GALNT17: variants seen among roughly 807,000 people sequenced by gnomAD.
GALNT17 encodes the protein polypeptide N-acetylgalactosaminyltransferase 17, also known as UDP-GalNAc:polypeptide N-acetylgalactosaminyltransferase-like 3.
GALNT17 carries 29 observed loss-of-function variants against 63.7 expected under a neutral mutation model. The observed-to-expected ratio is 0.46, with a 90% CI of 0.34 to 0.62. The LOEUF (loss-of-function observed/expected upper bound fraction) is 0.62, where lower values mean the gene tolerates loss of function less well. Among genes scored for constraint, GALNT17 ranks in the 20% least tolerant of loss-of-function variants. The probability of loss-of-function intolerance (pLI) is 0.01; values close to 1 mark genes in which losing one functional copy is unlikely to be tolerated. For missense variants in GALNT17, 603 were observed against 799.6 expected, an observed-to-expected ratio of 0.75 and a Z score of 2.97; for synonymous variants, 305 against 318.3, an observed-to-expected ratio of 0.96 and a Z score of 0.45.
At chr7:71,348,475 A>C (rs1420447230) in intron 2 of GALNT17, among the ~76,000 whole-genome samples, 1 of 152,188 alleles carries the variant, frequency 6.6e-6, no homozygotes, top group Non-Finnish European at 1.5e-5. Flanking sequence ...TTTCTGGACA[A>C]GTTTCAATGT....
At chr7:71,646,074 A>C (rs1790670963) in intron 6 of GALNT17, among the ~76,000 whole-genome samples, 1 of 152,134 alleles carries the variant, frequency 6.6e-6, no homozygotes, top group East Asian at 1.9e-4. Flanking sequence ...CCATCAGTCC[A>C]TGACTAGACT....
At chr7:71,632,859 T>C (rs1790471661) in intron 6 of GALNT17, among the ~76,000 whole-genome samples, 1 of 151,852 alleles carries the variant, frequency 6.6e-6, no homozygotes, top group Admixed American at 6.6e-5. Context: ...ATCCCAGCAA[T>C]TTGGGAGGCT....
At chr7:71,215,611 C>T (rs760359454) in intron 1 of GALNT17, among the ~76,000 whole-genome samples, 1 of 152,142 alleles carries the variant, frequency 6.6e-6, no homozygotes, top group Non-Finnish European at 1.5e-5. Flanking sequence ...TCCCACCCCA[C>T]AGACACCCTT....
At chr7:71,471,137 A>G (rs1787621229) in intron 5 of GALNT17, among the ~76,000 whole-genome samples, 1 of 151,794 alleles carries the variant, frequency 6.6e-6, no homozygotes, top group African/African-American at 2.4e-5. Flanking sequence ...GAGTGCAGCA[A>G]TGTGATCTTG....
intron 6 of GALNT17, among the ~76,000 whole-genome samples, chr7:71,597,598 CAG>C (rs1300607298): frequency 6.6e-6 from 1 of 152,066 alleles, no homozygotes; most frequent in African/African-American, 2.4e-5. Flanking sequence ...AATGTGGTGT[CAG>C]AGAGGAAAGG....
At chr7:71,591,826 C>A (rs1789806704) in intron 6 of GALNT17, among the ~76,000 whole-genome samples, 1 of 152,032 alleles carries the variant, frequency 6.6e-6, no homozygotes, top group South Asian at 2.1e-4. Context: ...CCACGCCCAG[C>A]TAATTTTTGT....
At chr7:71,382,208 C>G (rs866701079) in intron 2 of GALNT17, among the ~76,000 whole-genome samples, 3 of 152,062 alleles carry the variant, frequency 2.0e-5, no homozygotes, top group African/African-American at 7.2e-5. Context: ...GGTGAAACCT[C>G]GTCTCTAATA....
chr7:71,224,153 C>T (rs950079543), intron 1 of GALNT17, among the ~76,000 whole-genome samples: 3 of 152,086 alleles, frequency 2.0e-5, no homozygotes, highest in Non-Finnish European at 4.4e-5. Context: ...CTCCTGGGTT[C>T]AAGTGATTCT....
intron 7 of GALNT17, 133 bp from the exon 8 acceptor site, chr7:71,669,839 G>A: frequency 8.9e-7 from 1 of 1,127,456 alleles, no homozygotes; most frequent in Non-Finnish European, 1.2e-6. Context: ...GGGATTACAG[G>A]CATGAGCCAC....
chr7:71,371,785 C>T (rs140861259), intron 2 of GALNT17, among the ~76,000 whole-genome samples: 203 of 152,260 alleles, frequency 1.3e-3, no homozygotes, highest in African/African-American at 4.8e-3. Flanking sequence ...GAGACGTGCA[C>T]TATTATACCC....
At chr7:71,160,582 CCA>C (rs1314995774) in intron 1 of GALNT17, among the ~76,000 whole-genome samples, 3 of 152,132 alleles carry the variant, frequency 2.0e-5, no homozygotes, top group African/African-American at 7.2e-5. Context: ...CCTCAGCCTC[CCA>C]AGTAGCTGGG....
intron 1 of GALNT17, among the ~76,000 whole-genome samples, chr7:71,194,529 A>G (rs1166426865): frequency 1.3e-5 from 2 of 152,124 alleles, no homozygotes; most frequent in Non-Finnish European, 2.9e-5. Context: ...ATAACTTTAT[A>G]TAGAGATTCA....
chr7:71,267,849 C>T (rs1160614663), intron 1 of GALNT17, among the ~76,000 whole-genome samples: 1 of 151,684 alleles, frequency 6.6e-6, no homozygotes, highest in East Asian at 2.0e-4. Flanking sequence ...TCTCCCTCCC[C>T]CCACCTGCCC....
At chr7:71,634,527 G>A (rs1458183650) in intron 6 of GALNT17, among the ~76,000 whole-genome samples, 1 of 152,148 alleles carries the variant, frequency 6.6e-6, no homozygotes, top group African/African-American at 2.4e-5. Flanking sequence ...GCTGAGGCGG[G>A]CAGATCACCT....
At chr7:71,177,211 A>G (rs1788655635) in intron 1 of GALNT17, among the ~76,000 whole-genome samples, 1 of 152,140 alleles carries the variant, frequency 6.6e-6, no homozygotes. Flanking sequence ...AATCAAACTC[A>G]GCATTAACAG....
chr7:71,642,905 G>A (rs1790623847), intron 6 of GALNT17, among the ~76,000 whole-genome samples: 1 of 152,166 alleles, frequency 6.6e-6, no homozygotes, highest in African/African-American at 2.4e-5. Context: ...GTTCCCTTGA[G>A]GCAGTGCCCT....
intron 5 of GALNT17, among the ~76,000 whole-genome samples, chr7:71,444,334 C>T (rs1267152101): frequency 6.6e-6 from 1 of 152,142 alleles, no homozygotes; most frequent in South Asian, 2.1e-4. Context: ...CTCGCCACTT[C>T]CCCTTTCCTT....
intron 3 of GALNT17, among the ~76,000 whole-genome samples, chr7:71,409,202 C>T (rs1007672220): frequency 1.3e-5 from 2 of 152,000 alleles, no homozygotes; most frequent in Non-Finnish European, 2.9e-5. Context: ...TGGAGATGGA[C>T]AGGGCAACAC....
chr7:71,616,713 A>AG lies in GALNT17; in HGVS notation c.1080+45311_1080+45312insG, dbSNP rs1466390463. ...ATATATAATATATTGTGATTGATGT[A>AG]TATAATATATAATTACAATTTGTTT... On this transcript the variant is annotated intron_variant, in intron 6 of 10. Coordinates refer to ENST00000333538, the MANE Select transcript of GALNT17 (RefSeq NM_022479.3). 2.1e-3 allele frequency among the ~76,000 whole-genome samples: 275 copies of AG among 132,434 alleles called. 2 individuals are homozygous for AG. Among genetic ancestry groups the AG allele is most frequent in the African/African-American group, 7.0e-3 (261 of 37,110 alleles). The allele number at this position is 132,434 out of a possible 152,430, so 86.9% of individuals were successfully genotyped here. A position where few individuals can be genotyped will look rare whatever the true frequency, so the allele number is the denominator to read the frequency against.
Sources: allele counts gnomAD v4.1 joint callset (sites outside exome capture counted in the v4.1 genomes callset), GRCh38; gene constraint gnomAD v4.1.1; transcripts MANE v1.5; gene names NCBI Gene and HGNC (gene_info 2026-07-23, HGNC 2026-07-21).